Variants in FRMD4A observed in about 807,000 individuals in gnomAD.
The protein encoded by FRMD4A is FERM domain-containing protein 4A.
FRMD4A carries 29 observed loss-of-function variants against 129.1 expected under a neutral mutation model. The ratio of observed to expected loss-of-function variants is 0.22; its 90% CI spans 0.17 to 0.31. The LOEUF (loss-of-function observed/expected upper bound fraction) is 0.31. Among genes scored for constraint, FRMD4A ranks in the 10% least tolerant of loss-of-function variants. The pLI is 1.00. For missense variants in FRMD4A, 1,272 were observed against 1,375.8 expected, an observed-to-expected ratio of 0.92 and a Z score of 1.19; for synonymous variants, 634 against 571.6, an observed-to-expected ratio of 1.11 and a Z score of -1.56.
At chr10:13,966,368 G>C (rs1485849803) in intron 2 of FRMD4A, among the ~76,000 whole-genome samples, 2 of 152,142 alleles carry the variant, frequency 1.3e-5, no homozygotes. Context: ...AAAAGCAATG[G>C]CGGTTTTTGC....
rs1377571802 is a variant in FRMD4A, at chr10:13,644,408, C to T, written c.*2630G>A. On this transcript the variant is annotated 3_prime_UTR_variant, in exon 25 of 25. Transcript: ENST00000357447. ...TCTCAAAGGACTAACGTTTTATGTA[C>T]ATTTTGTATTAACTGAACTCAGCTA... 1 of 152,218 alleles carries T rather than the reference C, an allele frequency of 6.6e-6. No individual in the cohort carries two copies. Among genetic ancestry groups the T allele is most frequent in the African/African-American group, 2.4e-5 (1 of 41,446 alleles). The allele number at this position is 152,218 out of a possible 1,614,324, so 9.4% of individuals were successfully genotyped here.
intron 2 of FRMD4A, among the ~76,000 whole-genome samples, chr10:14,185,502 AG>A (rs1842070565): frequency 6.6e-6 from 1 of 152,184 alleles, no homozygotes; most frequent in Non-Finnish European, 1.5e-5. Context: ...TCTAACTTCA[AG>A]TATTTTTTGG....
intron 2 of FRMD4A, among the ~76,000 whole-genome samples, chr10:14,155,692 A>C (rs1161455593): frequency 6.6e-6 from 1 of 152,226 alleles, no homozygotes; most frequent in East Asian, 1.9e-4. Context: ...TTGGGATAAT[A>C]AAATTGAAAG....
chr10:14,097,522 G>A (rs1266098721), intron 2 of FRMD4A, among the ~76,000 whole-genome samples: 1 of 152,048 alleles, frequency 6.6e-6, no homozygotes, highest in African/African-American at 2.4e-5. Context: ...TTACCGAGGA[G>A]GAAACGGAAT....
intron 2 of FRMD4A, among the ~76,000 whole-genome samples, chr10:13,867,342 T>C (rs964148765): frequency 6.6e-5 from 10 of 151,990 alleles, no homozygotes; most frequent in Admixed American, 3.3e-4. Context: ...CACTGCAACC[T>C]CTGCCTTCCT....
At position 13,693,432 on chromosome 10, in the gene FRMD4A, C is replaced by A. The variant is rs552517690; in HGVS notation, c.1117+466G>T. The stretch of plus-strand genomic sequence containing the variant: ...CACTGAATGGAGAAATCATGCCCTG[C>A]GACACGATGGAGAGAGTATTCCGCA... On this transcript the variant is annotated intron_variant, in intron 15 of 24. Coordinates refer to ENST00000357447, the MANE Select transcript of FRMD4A (RefSeq NM_018027.5). 1.7e-3 allele frequency: 1,478 copies of A among 864,378 alleles called. 45 individuals are homozygous for A. The South Asian group carries it at 0.03, about 17-fold the overall frequency. The allele number at this position is 864,378 out of a possible 1,614,324, so 53.5% of individuals were successfully genotyped here.
At chr10:13,849,025 G>A (rs894753911) in intron 3 of FRMD4A, among the ~76,000 whole-genome samples, 6 of 152,254 alleles carry the variant, frequency 3.9e-5, no homozygotes, top group Non-Finnish European at 8.8e-5. Context: ...GCCACCCCTG[G>A]GGGCTGGGAA....
intron 4 of FRMD4A, among the ~76,000 whole-genome samples, chr10:13,807,346 T>C (rs1289546270): frequency 2.0e-5 from 3 of 152,216 alleles, no homozygotes; most frequent in Non-Finnish European, 4.4e-5. Flanking sequence ...ATCAAGTCTG[T>C]AGTTTAGTTA....
intron 2 of FRMD4A, among the ~76,000 whole-genome samples, chr10:14,039,851 G>T (rs1045363704): frequency 2.6e-5 from 4 of 152,138 alleles, no homozygotes; most frequent in Non-Finnish European, 5.9e-5. Flanking sequence ...TCGTGAGGCT[G>T]TGTCACGGCC....
intron 2 of FRMD4A, among the ~76,000 whole-genome samples, chr10:14,226,722 C>T (rs561748158): frequency 6.6e-6 from 1 of 152,270 alleles, no homozygotes; most frequent in East Asian, 1.9e-4. Context: ...CACCATCCTT[C>T]ATTCGTCACC....
intron 2 of FRMD4A, among the ~76,000 whole-genome samples, chr10:13,930,496 G>A (rs905041845): frequency 3.3e-5 from 5 of 152,214 alleles, no homozygotes; most frequent in African/African-American, 1.2e-4. Context: ...TGGCCGCGGA[G>A]GCTCAGGGAC....
intron 2 of FRMD4A, among the ~76,000 whole-genome samples, chr10:14,068,708 T>C (rs1299141674): frequency 6.6e-6 from 1 of 152,178 alleles, no homozygotes; most frequent in Non-Finnish European, 1.5e-5. Context: ...CATCATAGAG[T>C]GCTGTGTAGA....
At chr10:13,733,333 C>T (rs1265191381) in intron 12 of FRMD4A, among the ~76,000 whole-genome samples, 7 of 152,254 alleles carry the variant, frequency 4.6e-5, no homozygotes, top group East Asian at 1.9e-4. Flanking sequence ...GCTGAGTCCA[C>T]GGCCTTGCCT....
At chr10:13,932,693 A>C (rs372908059) in intron 2 of FRMD4A, among the ~76,000 whole-genome samples, 33 of 152,252 alleles carry the variant, frequency 2.2e-4, no homozygotes, top group African/African-American at 7.5e-4. Context: ...AACACCCATA[A>C]AATGATAGTG....
intron 2 of FRMD4A, among the ~76,000 whole-genome samples, chr10:13,981,493 C>G (rs1384080919): frequency 6.6e-6 from 1 of 152,050 alleles, no homozygotes; most frequent in Non-Finnish European, 1.5e-5. Context: ...GTAATCCCAG[C>G]ACTTTGGGAG....
intron 2 of FRMD4A, among the ~76,000 whole-genome samples, chr10:14,253,943 C>G (rs912428939): frequency 2.0e-5 from 3 of 152,120 alleles, no homozygotes; most frequent in African/African-American, 4.8e-5. Flanking sequence ...CCAGGAGAGA[C>G]CTTTCGACAC....
At chr10:14,259,971 G>GA (rs1382540268) in intron 2 of FRMD4A, among the ~76,000 whole-genome samples, 2 of 138,656 alleles carry the variant, frequency 1.4e-5, no homozygotes, top group Non-Finnish European at 3.1e-5. Context: ...CACGTCTTCA[G>GA]AAAAAAAGAA....
At chr10:13,794,955 A>G (rs2093082146) in intron 5 of FRMD4A, among the ~76,000 whole-genome samples, 1 of 152,198 alleles carries the variant, frequency 6.6e-6, no homozygotes, top group South Asian at 2.1e-4. Context: ...TATCTTAGAG[A>G]CTGACACTTC....
At chr10:14,046,431 T>TA (rs1204794010) in intron 2 of FRMD4A, among the ~76,000 whole-genome samples, 4 of 152,062 alleles carry the variant, frequency 2.6e-5, no homozygotes, top group African/African-American at 4.8e-5. Context: ...TTCTATAATA[T>TA]AAAAAACCAT....
Sources: allele counts gnomAD v4.1 joint callset (sites outside exome capture counted in the v4.1 genomes callset), GRCh38; gene constraint gnomAD v4.1.1; transcripts MANE v1.5; gene names NCBI Gene and HGNC (gene_info 2026-07-23, HGNC 2026-07-21).